CATSPERT: variants seen among roughly 807,000 people sequenced by gnomAD.
The protein encoded by CATSPERT is catsper channel auxiliary subunit tau.
chr2:201,585,686 T>C, the CATSPERT span, among the ~76,000 whole-genome samples: 1 of 152,196 alleles, frequency 6.6e-6, no homozygotes, highest in Non-Finnish European at 1.5e-5. Context: ...TTAAAGTTTC[T>C]AAGATCCTTG....
At chr2:201,572,311 C>T in the CATSPERT span, among the ~76,000 whole-genome samples, 1 of 152,030 alleles carries the variant, frequency 6.6e-6, no homozygotes, top group Non-Finnish European at 1.5e-5. Flanking sequence ...TACTGAAGAT[C>T]AGTAATTTGT....
the CATSPERT span, among the ~76,000 whole-genome samples, chr2:201,589,046 TAG>T: frequency 6.6e-6 from 1 of 151,962 alleles, no homozygotes; most frequent in Non-Finnish European, 1.5e-5. Context: ...TACAGCTAAC[TAG>T]AGAGGTGAAA....
the CATSPERT span, among the ~76,000 whole-genome samples, chr2:201,541,353 C>A: frequency 6.6e-6 from 1 of 151,736 alleles, no homozygotes; most frequent in East Asian, 1.9e-4. Context: ...ACAGAGAAAT[C>A]CTTCATGAAA....
chr2:201,585,553 A>C, the CATSPERT span, among the ~76,000 whole-genome samples: 2 of 152,132 alleles, frequency 1.3e-5, no homozygotes, highest in African/African-American at 2.4e-5. Context: ...TAAAGTGGCA[A>C]ATATGTAGGT....
the CATSPERT span, among the ~76,000 whole-genome samples, chr2:201,513,630 G>C: frequency 6.6e-6 from 1 of 152,162 alleles, no homozygotes; most frequent in Non-Finnish European, 1.5e-5. Flanking sequence ...ATATGCATTT[G>C]TATGTTCATT....
the CATSPERT span, among the ~76,000 whole-genome samples, chr2:201,613,367 A>C: frequency 6.6e-6 from 1 of 152,186 alleles, no homozygotes; most frequent in Non-Finnish European, 1.5e-5. Flanking sequence ...CAGAAGAAGG[A>C]TCAGACAGTA....
chr2:201,534,202 T>A, the CATSPERT span: 1 of 166,602 alleles, frequency 6.0e-6, no homozygotes, highest in Non-Finnish European at 1.2e-5. Context: ...GTGTCAGACA[T>A]GTAAGTGAGT....
At chr2:201,497,273 A>G in the CATSPERT span, among the ~76,000 whole-genome samples, 3 of 152,316 alleles carry the variant, frequency 2.0e-5, no homozygotes, top group Admixed American at 2.0e-4. Flanking sequence ...AATATTTGCC[A>G]GTATCGTTCC....
chr2:201,580,856 A>G, the CATSPERT span, among the ~76,000 whole-genome samples: 1 of 152,196 alleles, frequency 6.6e-6, no homozygotes, highest in Non-Finnish European at 1.5e-5. Flanking sequence ...AAATCTGTAT[A>G]TAAACTCTGC....
the CATSPERT span, chr2:201,494,121 G>A: frequency 1.3e-6 from 2 of 1,533,542 alleles, no homozygotes; most frequent in South Asian, 1.2e-5. Flanking sequence ...AATTTAAAAT[G>A]TCTTTTTCTG....
At chr2:201,503,713 T>C in the CATSPERT span, among the ~76,000 whole-genome samples, 2 of 152,208 alleles carry the variant, frequency 1.3e-5, no homozygotes, top group South Asian at 4.1e-4. Context: ...CCTGGTAACA[T>C]TGTATTGAAT....
At chr2:201,581,524 A>ATG in the CATSPERT span, among the ~76,000 whole-genome samples, 3 of 81,592 alleles carry the variant, frequency 3.7e-5, no homozygotes, top group African/African-American at 1.8e-4. Context: ...ATATATATAT[A>ATG]AAATATTCTG....
the CATSPERT span, chr2:201,494,376 G>A: frequency 2.0e-6 from 3 of 1,537,064 alleles, no homozygotes; most frequent in East Asian, 4.9e-5. Context: ...ACTTCGAGAG[G>A]TGACATGTGT....
chr2:201,610,897 G>C, the CATSPERT span, among the ~76,000 whole-genome samples: 1 of 151,972 alleles, frequency 6.6e-6, no homozygotes, highest in Non-Finnish European at 1.5e-5. Flanking sequence ...AATAGACACA[G>C]AAAGCATTTG....
At chr2:201,614,638 G>A in the CATSPERT span, among the ~76,000 whole-genome samples, 2 of 152,150 alleles carry the variant, frequency 1.3e-5, no homozygotes, top group African/African-American at 2.4e-5. Flanking sequence ...ATGCTAGGAA[G>A]AAACTACATC....
chr2:201,545,615 T>C, the CATSPERT span: 2 of 1,053,744 alleles, frequency 1.9e-6, no homozygotes, highest in Non-Finnish European at 2.5e-6. Flanking sequence ...TCATCTATAT[T>C]AGTTTCCTAG....
At chr2:201,537,316 T>A in the CATSPERT span, 9 of 784,402 alleles carry the variant, frequency 1.1e-5, no homozygotes, top group Non-Finnish European at 1.8e-5. Flanking sequence ...ATAGAAACCA[T>A]AAAACAACTG....
chr2:201,605,889 T>C, the CATSPERT span, among the ~76,000 whole-genome samples: 6 of 151,970 alleles, frequency 3.9e-5, no homozygotes, highest in Non-Finnish European at 8.8e-5. Flanking sequence ...GTTGATCAAT[T>C]CAGAAAAGAA....
the CATSPERT span, among the ~76,000 whole-genome samples, chr2:201,512,928 T>C: frequency 6.6e-4 from 98 of 149,004 alleles, no homozygotes; most frequent in African/African-American, 2.3e-3. Context: ...CTGGGGACTG[T>C]TGTGGGGTGG....
Sources: allele counts gnomAD v4.1 joint callset (sites outside exome capture counted in the v4.1 genomes callset), GRCh38; gene constraint gnomAD v4.1.1; transcripts MANE v1.5; gene names NCBI Gene and HGNC (gene_info 2026-07-23, HGNC 2026-07-21).